The following NPIPB15 variants were observed in gnomAD, a reference collection of about 807,000 sequenced individuals.
The protein encoded by NPIPB15 is nuclear pore complex interacting protein family member B15.
NPIPB15 carries 5 observed loss-of-function variants against 35.9 expected under a neutral mutation model. That is an observed-to-expected ratio of 0.14 (90% CI 0.07 to 0.29). The LOEUF is 0.29. Among genes scored for constraint, NPIPB15 ranks in the 10% least tolerant of loss-of-function variants. The pLI is 1.00. For missense variants in NPIPB15, 100 were observed against 506.1 expected, an observed-to-expected ratio of 0.20 and a Z score of 7.70; for synonymous variants, 43 against 182.0, an observed-to-expected ratio of 0.24 and a Z score of 6.15.
intron 3 of NPIPB15, among the ~76,000 whole-genome samples, chr16:74,385,016 TGTG>T (rs2012194620): frequency 1.3e-5 from 1 of 76,992 alleles, no homozygotes; most frequent in Non-Finnish European, 2.8e-5. Context: ...TGTGTGTGTG[TGTG>T]TGTGTGTGTG....
rs1468726466 is a variant in NPIPB15 at position 74,376,734 on chromosome 16, C to T, written c.-635C>T. On this transcript the variant is annotated 5_prime_UTR_variant, in exon 1 of 8. Coordinates refer to ENST00000692376, the MANE Select transcript of NPIPB15 (RefSeq NM_001306094.2). ...TAGGGGTGATTTGAGATCACACAAC[C>T]TTGTGCCACAAAGAGGAATTCCCAG... Among the ~76,000 whole-genome samples, 2 of 151,766 alleles carry T rather than the reference C, an allele frequency of 1.3e-5. No individual in the cohort carries two copies. Among genetic ancestry groups the T allele is most frequent in the Non-Finnish European group, 2.9e-5 (2 of 67,968 alleles).
chr16:74,379,765 A>G (rs879740412), intron 2 of NPIPB15, among the ~76,000 whole-genome samples: 1 of 151,848 alleles, frequency 6.6e-6, no homozygotes, highest in Non-Finnish European at 1.5e-5. Context: ...AATTTTTTGT[A>G]ATTTTAGTAG....
rs928104893 is a variant in NPIPB15 at position 74,388,879 on chromosome 16, G to A, written c.546-946G>A. 1.5e-5 allele frequency: 14 copies of A among 957,388 alleles called. No individual in the cohort carries two copies. In the Admixed American group the frequency reaches 7.1e-4, roughly 49 times the overall value. The allele number at this position is 957,388 out of a possible 1,614,324, so 59.3% of individuals were successfully genotyped here. ...CATTGGAGTGTTGTTTATAACCTCTGTACAATGTTTAGACCCAGTAAATGC... is the reference window on the plus strand; with the variant it reads ...CATTGGAGTGTTGTTTATAACCTCTATACAATGTTTAGACCCAGTAAATGC... On this transcript the variant is annotated intron_variant, in intron 5 of 7. Coordinates refer to ENST00000692376, the MANE Select transcript of NPIPB15 (RefSeq NM_001306094.2).
intron 2 of NPIPB15, among the ~76,000 whole-genome samples, chr16:74,378,508 C>T (rs1206187222): frequency 0.015 from 2,100 of 139,474 alleles, 21 homozygotes; most frequent in African/African-American, 0.055. Flanking sequence ...CTCACTGCAA[C>T]CTCCGCTTCC....
At position 74,386,562 on chromosome 16, in the gene NPIPB15, G is replaced by A. The variant is rs1393066907; in HGVS notation, c.545+813G>A. Reference sequence around the variant, plus strand: ...CAACCTCCGCCTCCCAGGTTCAAGCGATTCTTATCCCTCAGCCTCTTGAGT... The same window carrying A: ...CAACCTCCGCCTCCCAGGTTCAAGCAATTCTTATCCCTCAGCCTCTTGAGT... On this transcript the variant is annotated intron_variant, in intron 5 of 7. Transcript: ENST00000692376. Among the ~76,000 whole-genome samples, 32 of 134,930 alleles carry A rather than the reference G, an allele frequency of 2.4e-4. 1 individual carries two copies. The South Asian group carries it at 3.0e-3, about 13-fold the overall frequency. The allele number at this position is 134,930 out of a possible 152,430, so 88.5% of individuals were successfully genotyped here.
chr16:74,379,204 C>T (rs1234030943), intron 2 of NPIPB15, among the ~76,000 whole-genome samples: 1 of 152,204 alleles, frequency 6.6e-6, no homozygotes. Flanking sequence ...TTCGCGTATA[C>T]AGATGCATGC....
chr16:74,379,348 T>G (rs1392755685), intron 2 of NPIPB15, among the ~76,000 whole-genome samples: 2 of 152,206 alleles, frequency 1.3e-5, no homozygotes, highest in Non-Finnish European at 2.9e-5. Context: ...TTCCACCTGT[T>G]GAAGGGCTAT....
rs1438902248 is a variant in NPIPB15 at position 74,376,501 on chromosome 16, C to T, written c.-868C>T. Reference sequence around the variant, plus strand: ...TGCCAAGCCCTCTGGGTATTGTGGGCAAATACCTTAGGAGAGAAGCTGATG... The same window carrying T: ...TGCCAAGCCCTCTGGGTATTGTGGGTAAATACCTTAGGAGAGAAGCTGATG... On this transcript the variant is annotated 5_prime_UTR_variant, in exon 1 of 8. Coordinates refer to ENST00000692376, the MANE Select transcript of NPIPB15 (RefSeq NM_001306094.2). 1.3e-5 allele frequency among the ~76,000 whole-genome samples: 2 copies of T among 149,612 alleles called. No individual in the cohort carries two copies. Among genetic ancestry groups the T allele is most frequent in the Non-Finnish European group, 3.0e-5 (2 of 67,628 alleles).
rs377082789 is a variant in NPIPB15, at chr16:74,391,283, G to A, written c.643-108G>A. On this transcript the variant is annotated intron_variant, in intron 7 of 7. Transcript: ENST00000692376. ...TATTTTGAAACCTGGAGGATGGAAA[G>A]GTGCAAAAATCTATCACCAGCAACA... The A allele has an allele frequency of 6.5e-6, 10 of 1,547,860 alleles. No homozygotes were observed. In the East Asian group the frequency reaches 1.4e-4, roughly 22 times the overall value.
At chr16:74,380,927 C>A (rs1480847634) in intron 2 of NPIPB15, among the ~76,000 whole-genome samples, 1 of 152,248 alleles carries the variant, frequency 6.6e-6, no homozygotes, top group Non-Finnish European at 1.5e-5. Context: ...AGGCAGATCG[C>A]CTGCCAGGAG....
At chr16:74,389,363 GTTTT>G (rs1393315062) in intron 5 of NPIPB15, among the ~76,000 whole-genome samples, 535 of 149,180 alleles carry the variant, frequency 3.6e-3, no homozygotes, top group Middle Eastern at 0.021. Context: ...AGACCGTACA[GTTTT>G]TTTGTTTTTG....
chr16:74,389,038 C>T (rs1157267023), intron 5 of NPIPB15, among the ~76,000 whole-genome samples: 2 of 149,182 alleles, frequency 1.3e-5, no homozygotes, highest in Admixed American at 6.8e-5. Flanking sequence ...ACCCCATTGC[C>T]AGCTAGACTG....
chr16:74,380,829 C>A lies in NPIPB15; in HGVS notation c.67-687C>A, dbSNP rs1257959109. On this transcript the variant is annotated intron_variant, in intron 2 of 7. Transcript: ENST00000692376. The stretch of plus-strand genomic sequence containing the variant: ...ACAGAGTGAGACCCCATCTCAAAAA[C>A]AAAACACCAAACAAAAACAAAAACA... 6.0e-5 allele frequency among the ~76,000 whole-genome samples: 9 copies of A among 148,812 alleles called. No homozygotes were observed. The East Asian group carries it at 1.4e-3, about 23-fold the overall frequency.
intron 2 of NPIPB15, 58 bp from the exon 3 acceptor site, chr16:74,381,458 G>C: frequency 5.2e-6 from 8 of 1,547,642 alleles, no homozygotes; most frequent in Non-Finnish European, 6.1e-6. Context: ...GATTCTTTCT[G>C]AGTGAAATAT....
chr16:74,379,093 C>A (rs2011842048), intron 2 of NPIPB15, among the ~76,000 whole-genome samples: 1 of 117,334 alleles, frequency 8.5e-6, no homozygotes, highest in Admixed American at 9.8e-5. Context: ...AACCACCGTG[C>A]CCAGCCAAGA....
rs941739255 is a variant in NPIPB15, at chr16:74,387,357, G to C, written c.545+1608G>C. Among the ~76,000 whole-genome samples the C allele has an allele frequency of 8.1e-5, 12 of 148,676 alleles. 1 individual carries two copies. The highest frequency in any genetic ancestry group is 3.0e-4 in the African/African-American group (12 of 39,596). On this transcript the variant is annotated intron_variant, in intron 5 of 7. Transcript: ENST00000692376. The stretch of plus-strand genomic sequence containing the variant: ...ATTCAGCAATGAAACTCAGGGAAAT[G>C]GATTCCAAATGCGAGGCTGACTTTC...
chr16:74,377,321 G>C lies in NPIPB15; in HGVS notation c.-48G>C, dbSNP rs997464294. 6.6e-6 allele frequency among the ~76,000 whole-genome samples: 1 copy of C among 152,006 alleles called. No individual in the cohort carries two copies. The highest frequency in any genetic ancestry group is 2.4e-5 in the African/African-American group (1 of 41,354). On this transcript the variant is annotated 5_prime_UTR_variant, in exon 1 of 8. Coordinates refer to ENST00000692376, the MANE Select transcript of NPIPB15 (RefSeq NM_001306094.2). The stretch of plus-strand genomic sequence containing the variant: ...GAGAGCCCAGAAGCAGGGACAGGGA[G>C]CTGGTTGGGGAGGACCAGAAATCAG...
At chr16:74,388,881 A>G (rs113393418) in intron 5 of NPIPB15, 132,704 of 943,238 alleles carry the variant, frequency 0.14, 10,886 homozygotes, top group Admixed American at 0.24. Context: ...TAACCTCTGT[A>G]CAATGTTTAG....
chr16:74,379,892 T>A (rs1303118853), intron 2 of NPIPB15, among the ~76,000 whole-genome samples: 107 of 152,006 alleles, frequency 7.0e-4, no homozygotes, highest in African/African-American at 2.4e-3. Flanking sequence ...CCGGCCCACC[T>A]TGTTAATTTT....
Sources: allele counts gnomAD v4.1 joint callset (sites outside exome capture counted in the v4.1 genomes callset), GRCh38; gene constraint gnomAD v4.1.1; transcripts MANE v1.5; gene names NCBI Gene and HGNC (gene_info 2026-07-23, HGNC 2026-07-21).